IQCM: variants seen among roughly 807,000 people sequenced by gnomAD.
IQCM encodes IQ motif containing M.
IQCM carries 45 observed loss-of-function variants against 57.6 expected under a neutral mutation model. The ratio of observed to expected loss-of-function variants is 0.78; its 90% CI spans 0.62 to 1.00. The LOEUF is 1.00. Among genes scored for constraint, IQCM ranks in the 50% least tolerant of loss-of-function variants. The pLI is 0.00. For synonymous variants in IQCM, 148 were observed against 158.9 expected (o/e 0.93, Z 0.51); for missense variants, 468 against 511.6 (o/e 0.91, Z 0.82).
intron 13 of IQCM, among the ~76,000 whole-genome samples, chr4:149,429,736 T>G (rs1371280400): frequency 6.6e-6 from 1 of 151,940 alleles, no homozygotes; most frequent in East Asian, 1.9e-4. Context: ...AAGGAGTTAC[T>G]CAGTTTTAGG....
At chr4:149,361,079 CTT>C (rs1248230538) in intron 13 of IQCM, among the ~76,000 whole-genome samples, 2 of 152,090 alleles carry the variant, frequency 1.3e-5, no homozygotes, top group African/African-American at 4.8e-5. Context: ...AAAGGTGACT[CTT>C]GTTACATTTT....
intron 12 of IQCM, among the ~76,000 whole-genome samples, chr4:149,454,808 A>G (rs1234141117): frequency 6.6e-6 from 1 of 152,006 alleles, no homozygotes; most frequent in Admixed American, 6.6e-5. Context: ...AAATTCATAG[A>G]GGCAGAAAGT....
At chr4:149,603,720 T>TA (rs968114865) in intron 8 of IQCM, among the ~76,000 whole-genome samples, 177 of 144,610 alleles carry the variant, frequency 1.2e-3, no homozygotes, top group African/African-American at 3.3e-3. Flanking sequence ...GAGGAATAGT[T>TA]AAAAAAAAAA....
intron 12 of IQCM, among the ~76,000 whole-genome samples, chr4:149,518,110 C>T (rs547292234): frequency 2.6e-5 from 4 of 152,182 alleles, no homozygotes; most frequent in African/African-American, 9.6e-5. Flanking sequence ...CCAAGGCAAG[C>T]GACATGGCCA....
chr4:149,711,116 A>G (rs986764730), intron 5 of IQCM: 5 of 152,172 alleles, frequency 3.3e-5, no homozygotes, highest in African/African-American at 1.2e-4. Context: ...CTGAAAGCTT[A>G]TAGTTCTTCA....
intron 13 of IQCM, among the ~76,000 whole-genome samples, chr4:149,422,822 C>G (rs1734205539): frequency 6.6e-6 from 1 of 151,978 alleles, no homozygotes; most frequent in East Asian, 1.9e-4. Flanking sequence ...ATATCCCACT[C>G]AAGGTTTAAA....
chr4:149,561,854 T>A (rs936378318), intron 10 of IQCM, among the ~76,000 whole-genome samples: 1 of 152,010 alleles, frequency 6.6e-6, no homozygotes, highest in African/African-American at 2.4e-5. Context: ...ACTGGCACAA[T>A]AATGACCAGA....
rs181606514 is a variant in IQCM, at chr4:149,756,912, C to T, written c.-48-14173G>A. 7.4e-3 allele frequency among the ~76,000 whole-genome samples: 1,132 copies of T among 152,250 alleles called. 37 individuals carry two copies. The highest frequency in any genetic ancestry group is 0.061 in the Admixed American group (938 of 15,294). On this transcript the variant is annotated intron_variant, in intron 2 of 13. Coordinates refer to ENST00000636793, the MANE Select transcript of IQCM (RefSeq NM_001363507.2). The stretch of plus-strand genomic sequence containing the variant: ...GAATAGAAATATAATGTATAACTCC[C>T]AAACTACCAGATAAACCACACAGTA...
chr4:149,354,382 A>AAAAAAAAAAAAAAAAAAAAAAC (rs764445072), intron 13 of IQCM, among the ~76,000 whole-genome samples: 1 of 136,486 alleles, frequency 7.3e-6, no homozygotes, highest in Non-Finnish European at 1.6e-5. Flanking sequence ...AAAAAAAAAA[A>AAAAAAAAAAAAAAAAAAAAAAC]AAAAAAACTG....
intron 4 of IQCM, among the ~76,000 whole-genome samples, 196 bp downstream of exon 4, chr4:149,735,180 A>C (rs1766821502): frequency 6.6e-6 from 1 of 152,214 alleles, no homozygotes; most frequent in Non-Finnish European, 1.5e-5. Flanking sequence ...TAAAATTCAT[A>C]CAACTAAAAA....
At chr4:149,438,913 C>T (rs536301956) in intron 12 of IQCM, among the ~76,000 whole-genome samples, 88 of 152,050 alleles carry the variant, frequency 5.8e-4, no homozygotes, top group Middle Eastern at 3.4e-3. Flanking sequence ...GAAATACCAA[C>T]ATTACTTAAC....
intron 9 of IQCM, among the ~76,000 whole-genome samples, chr4:149,576,522 C>T (rs762133997): frequency 1.5e-4 from 23 of 151,644 alleles, no homozygotes; most frequent in African/African-American, 4.4e-4. Context: ...CAGATTAATC[C>T]GCTTAGGATA....
chr4:149,666,974 G>T (rs1377000122), intron 7 of IQCM, among the ~76,000 whole-genome samples: 1 of 152,186 alleles, frequency 6.6e-6, no homozygotes, highest in Non-Finnish European at 1.5e-5. Flanking sequence ...CAGAGCACCT[G>T]GGGGAAGGGA....
intron 5 of IQCM, among the ~76,000 whole-genome samples, chr4:149,727,296 G>T (rs1399892739): frequency 2.0e-5 from 3 of 151,984 alleles, no homozygotes; most frequent in Non-Finnish European, 4.4e-5. Context: ...CTTGGTTTCT[G>T]CCCATTTAAA....
intron 12 of IQCM, among the ~76,000 whole-genome samples, chr4:149,513,147 C>T (rs1744594404): frequency 6.6e-6 from 1 of 152,144 alleles, no homozygotes; most frequent in Non-Finnish European, 1.5e-5. Flanking sequence ...TTTACCATTT[C>T]CCATATTCCA....
intron 7 of IQCM, among the ~76,000 whole-genome samples, chr4:149,640,781 T>C (rs1173425951): frequency 1.3e-5 from 2 of 152,162 alleles, no homozygotes; most frequent in African/African-American, 2.4e-5. Context: ...GTCGAGAATA[T>C]ATTAAAAGTT....
chr4:149,355,174 C>T (rs1318528492), intron 13 of IQCM, among the ~76,000 whole-genome samples: 3 of 152,048 alleles, frequency 2.0e-5, no homozygotes, highest in African/African-American at 4.8e-5. Flanking sequence ...AGAATAATTT[C>T]ACTTAGGAAG....
chr4:149,734,556 A>T (rs1766755209), intron 4 of IQCM, among the ~76,000 whole-genome samples: 1 of 152,188 alleles, frequency 6.6e-6, no homozygotes, highest in African/African-American at 2.4e-5. Flanking sequence ...ATCTGCAAGA[A>T]ATATTGAAAA....
chr4:149,535,829 A>T (rs955023068), intron 12 of IQCM, among the ~76,000 whole-genome samples: 6 of 152,066 alleles, frequency 3.9e-5, no homozygotes, highest in Non-Finnish European at 7.4e-5. Flanking sequence ...AGGGTAAGAC[A>T]GGAAAGTGGA....
Sources: gnomAD v4.1 joint callset for allele counts (sites outside exome capture counted in the v4.1 genomes callset) on GRCh38, gnomAD v4.1.1 for gene constraint, MANE v1.5 for transcripts, NCBI Gene and HGNC (gene_info 2026-07-23, HGNC 2026-07-21) for gene names.